Variants in CACNA2D1 observed in about 807,000 individuals in gnomAD.
The protein encoded by CACNA2D1 is calcium voltage-gated channel auxiliary subunit alpha2delta 1, also known as voltage-dependent calcium channel subunit alpha-2/delta-1.
Under a neutral mutation model 171.5 loss-of-function variants are expected in CACNA2D1, and 53 were observed. The ratio of observed to expected loss-of-function variants is 0.31; its 90% CI spans 0.25 to 0.39. CACNA2D1 has a LOEUF of 0.39. CACNA2D1 is among the 10% of genes least tolerant of loss of function. The pLI is 1.00. For missense variants in CACNA2D1, 903 were observed against 1,299.8 expected, an observed-to-expected ratio of 0.69 and a Z score of 4.69; for synonymous variants, 442 against 443.1, an observed-to-expected ratio of 1.00 and a Z score of 0.03.
At chr7:82,050,080 T>C (rs1233160432) in intron 10 of CACNA2D1, among the ~76,000 whole-genome samples, 3 of 152,190 alleles carry the variant, frequency 2.0e-5, no homozygotes, top group African/African-American at 2.4e-5. Context: ...AAACATGTCC[T>C]TGTCTAGGAA....
In CACNA2D1 at chr7:81,949,311, T is replaced by TTCAGCATTTA. The variant is rs1369625759; in HGVS notation, c.*1071_*1080dup. On this transcript the variant is annotated 3_prime_UTR_variant, in exon 39 of 39. Coordinates refer to ENST00000356860, the MANE Select transcript of CACNA2D1 (RefSeq NM_000722.4). ...TTCACCATTTATCTAACCCCAATCA[T>TTCAGCATTTA]TCAGCATTTACATTGCACAGTATAT... The TTCAGCATTTA allele has an allele frequency of 2.6e-5, 4 of 152,080 alleles. No homozygotes were observed. The highest frequency in any genetic ancestry group is 5.9e-5 in the Non-Finnish European group (4 of 67,958). The allele number at this position is 152,080 out of a possible 1,614,324, so 9.4% of individuals were successfully genotyped here. A position where few individuals can be genotyped will look rare whatever the true frequency, so the allele number is the denominator to read the frequency against.
chr7:82,384,305 T>C (rs765078296), intron 1 of CACNA2D1, among the ~76,000 whole-genome samples: 1 of 152,142 alleles, frequency 6.6e-6, no homozygotes, highest in African/African-American at 2.4e-5. Context: ...GATGAGATCA[T>C]GAGTATGAGG....
intron 12 of CACNA2D1, among the ~76,000 whole-genome samples, chr7:82,025,299 T>C (rs1801744841): frequency 6.6e-6 from 1 of 151,664 alleles, no homozygotes; most frequent in Non-Finnish European, 1.5e-5. Flanking sequence ...TCCATTGGTG[T>C]CTTCTTTAAT....
chr7:82,016,518 T>C (rs931155318), intron 12 of CACNA2D1, among the ~76,000 whole-genome samples: 7 of 151,756 alleles, frequency 4.6e-5, no homozygotes, highest in Admixed American at 2.0e-4. Flanking sequence ...AGGCAAGCAC[T>C]TCTAATAACA....
chr7:82,000,875 C>T lies in CACNA2D1; in HGVS notation c.1591-3625G>A, dbSNP rs544129941. On this transcript the variant is annotated intron_variant, in intron 18 of 38. Coordinates refer to ENST00000356860, the MANE Select transcript of CACNA2D1 (RefSeq NM_000722.4). ...CAAACTCCTGACCTTGTGATCGGCC[C>T]TCCTCAGCCTCCCAAAGTGTTGGGA... Among the ~76,000 whole-genome samples, 24 of 144,484 alleles carry T rather than the reference C, an allele frequency of 1.7e-4. No homozygotes were observed. The South Asian group carries it at 5.4e-3, about 32-fold the overall frequency. The allele number at this position is 144,484 out of a possible 152,430, so 94.8% of individuals were successfully genotyped here.
Position 82,099,422 on chromosome 7 carries a change from CTTTTTTTTTTTTTTTTTTTTTTT to C in CACNA2D1, c.527-14545_527-14523del, listed in dbSNP as rs932080938. On this transcript the variant is annotated intron_variant, in intron 6 of 38. Transcript: ENST00000356860. ...ACTCTAAAACAGGTAGCAATACCTTCTTTTTTTTTTTTTTTTTTTTTTTTTTTTTTTTTTTTTTTTTTTTTGAG... is the reference window on the plus strand; with the variant it reads ...ACTCTAAAACAGGTAGCAATACCTTCTTTTTTTTTTTTTTTTTTTTTTGAG... Among the ~76,000 whole-genome samples the C allele has an allele frequency of 1.1e-3, 46 of 40,282 alleles. 2 individuals are homozygous for C. The South Asian group carries it at 0.022, about 19-fold the overall frequency. The allele number at this position is 40,282 out of a possible 152,430, so 26.4% of individuals were successfully genotyped here.
At chr7:82,349,875 G>C (rs1252668502) in intron 1 of CACNA2D1, among the ~76,000 whole-genome samples, 1 of 152,110 alleles carries the variant, frequency 6.6e-6, no homozygotes, top group Non-Finnish European at 1.5e-5. Context: ...CCAAATCAAA[G>C]GAGAAAAATG....
At chr7:82,128,885 A>AT (rs922651644) in intron 5 of CACNA2D1, among the ~76,000 whole-genome samples, 4 of 151,658 alleles carry the variant, frequency 2.6e-5, no homozygotes, top group Non-Finnish European at 5.9e-5. Context: ...GTCTTAAGGT[A>AT]TTTTTTTTAA....
At chr7:82,069,570 C>G (rs1808065799) in intron 7 of CACNA2D1, among the ~76,000 whole-genome samples, 1 of 152,120 alleles carries the variant, frequency 6.6e-6, no homozygotes, top group Non-Finnish European at 1.5e-5. Flanking sequence ...CGGGTGTTAT[C>G]AAATTGTTGA....
At chr7:82,017,667 T>C (rs1800670605) in intron 12 of CACNA2D1, among the ~76,000 whole-genome samples, 2 of 152,192 alleles carry the variant, frequency 1.3e-5, no homozygotes, top group Admixed American at 1.3e-4. Flanking sequence ...TTTGGAGTTA[T>C]AGAAAAATAA....
intron 4 of CACNA2D1, among the ~76,000 whole-genome samples, chr7:82,152,225 T>C (rs1251386095): frequency 1.3e-5 from 2 of 151,924 alleles, no homozygotes; most frequent in African/African-American, 2.4e-5. Context: ...TATATTAATA[T>C]AATTCGCCTA....
At chr7:82,313,393 A>G (rs1054305048) in intron 3 of CACNA2D1, among the ~76,000 whole-genome samples, 1 of 152,216 alleles carries the variant, frequency 6.6e-6, no homozygotes, top group African/African-American at 2.4e-5. Context: ...CTGTTGAGAA[A>G]AATCTATATT....
chr7:82,170,505 A>G, intron 4 of CACNA2D1, 45 bp downstream of exon 4: 1 of 1,276,606 alleles, frequency 7.8e-7, no homozygotes, highest in Non-Finnish European at 1.1e-6. Flanking sequence ...ATCCATACAC[A>G]ATATGTCAAG....
chr7:82,190,757 A>G (rs939433301), intron 3 of CACNA2D1, among the ~76,000 whole-genome samples: 1 of 151,684 alleles, frequency 6.6e-6, no homozygotes, highest in African/African-American at 2.4e-5. Flanking sequence ...ATAGAATCAT[A>G]TATTGTTAGA....
chr7:82,086,651 A>G (rs1238866241), intron 6 of CACNA2D1, among the ~76,000 whole-genome samples: 2 of 152,232 alleles, frequency 1.3e-5, no homozygotes, highest in African/African-American at 2.4e-5. Flanking sequence ...TGACTTTTAT[A>G]GTAACATTCT....
intron 24 of CACNA2D1, among the ~76,000 whole-genome samples, chr7:81,975,804 A>ATGTACCTAGTAG (rs111649872): frequency 3.3e-5 from 5 of 151,742 alleles, no homozygotes; most frequent in Admixed American, 6.6e-5. Context: ...GGAATGAATC[A>ATGTACCTAGTAG]TGTATACAAC....
chr7:82,117,030 A>T lies in CACNA2D1; in HGVS notation c.526+14T>A, dbSNP rs776526293. The T allele has an allele frequency of 2.5e-6, 4 of 1,613,538 alleles. No individual in the cohort carries two copies. Among genetic ancestry groups the T allele is most frequent in the Non-Finnish European group, 2.5e-6 (3 of 1,179,596 alleles). ...GCATGGTATTCCAACAGATGTTAAC[A>T]TTCTTTTACTTACAGCCCTCATAGA... On this transcript the variant is annotated intron_variant, in intron 6 of 38. Transcript: ENST00000356860.
In CACNA2D1 at chr7:82,032,009, C is replaced by T. The variant is rs539864478; in HGVS notation, c.1143+788G>A. Among the ~76,000 whole-genome samples the T allele has an allele frequency of 6.6e-5, 10 of 151,976 alleles. No individual in the cohort carries two copies. The South Asian group carries it at 2.1e-3, about 32-fold the overall frequency. On this transcript the variant is annotated intron_variant, in intron 12 of 38. Coordinates refer to ENST00000356860, the MANE Select transcript of CACNA2D1 (RefSeq NM_000722.4). Reference sequence around the variant, plus strand: ...AATGAATCATTAGCATTTTAGGAAACCAGGTTGAGAATCACAGTATTCTTA... The same window carrying T: ...AATGAATCATTAGCATTTTAGGAAATCAGGTTGAGAATCACAGTATTCTTA...
chr7:82,321,155 TTGGGAGG>T (rs1815792522), intron 3 of CACNA2D1, among the ~76,000 whole-genome samples: 2 of 152,068 alleles, frequency 1.3e-5, no homozygotes, highest in African/African-American at 4.8e-5. Context: ...CCCCAGCACT[TTGGGAGG>T]CCGAGGCAGG....
Sources: gnomAD v4.1 joint callset for allele counts (sites outside exome capture counted in the v4.1 genomes callset) on GRCh38, gnomAD v4.1.1 for gene constraint, MANE v1.5 for transcripts, NCBI Gene and HGNC (gene_info 2026-07-23, HGNC 2026-07-21) for gene names.